Variants in TACR1 observed in about 807,000 individuals in gnomAD.
TACR1 encodes the protein substance-P receptor.
TACR1 carries 25 observed loss-of-function variants against 35.8 expected under a neutral mutation model. The ratio of observed to expected loss-of-function variants is 0.70; its 90% confidence interval spans 0.51 to 0.98. TACR1 has a LOEUF of 0.98. Among genes scored for constraint, TACR1 ranks in the 50% least tolerant of loss-of-function variants. The pLI, the probability that TACR1 is intolerant of heterozygous loss-of-function variation, is 0.00. For missense variants in TACR1, 478 were observed against 522.9 expected (o/e 0.91, Z 0.84); for synonymous variants, 195 against 206.7 (o/e 0.94, Z 0.48).
intron 1 of TACR1, among the ~76,000 whole-genome samples, chr2:75,125,188 C>CT (rs1202718187): frequency 5.2e-4 from 79 of 151,506 alleles, no homozygotes; most frequent in Admixed American, 1.2e-3. Flanking sequence ...TCTATTCTTT[C>CT]TTTTTTTTGT....
intron 1 of TACR1, among the ~76,000 whole-genome samples, chr2:75,178,134 C>T (rs567030483): frequency 6.6e-6 from 1 of 152,178 alleles, no homozygotes; most frequent in East Asian, 1.9e-4. Context: ...AAAACCTTTG[C>T]TCCTACATTC....
At chr2:75,088,561 T>C (rs1489650970) in intron 2 of TACR1, among the ~76,000 whole-genome samples, 1 of 152,186 alleles carries the variant, frequency 6.6e-6, no homozygotes, top group Non-Finnish European at 1.5e-5. Flanking sequence ...AAATATTCAC[T>C]GAATGAGTGT....
intron 1 of TACR1, among the ~76,000 whole-genome samples, chr2:75,166,078 G>C (rs1225348581): frequency 1.3e-5 from 2 of 152,172 alleles, no homozygotes; most frequent in African/African-American, 4.8e-5. Flanking sequence ...AGAGAGGAGT[G>C]AGACTCTAGG....
chr2:75,154,409 C>CTATT (rs1558572242), intron 1 of TACR1: 1 of 97,106 alleles, frequency 1.0e-5, no homozygotes, highest in Non-Finnish European at 2.4e-5. Flanking sequence ...AGAGCGCGCA[C>CTATT]GCACACACAC....
Position 75,199,055 on chromosome 2 carries a change from T to C in TACR1, c.-121A>G. 8.0e-7 allele frequency: 1 copy of C among 1,252,724 alleles called. No homozygotes were observed. Among genetic ancestry groups the C allele is most frequent in the Non-Finnish European group, 1.1e-6 (1 of 915,022 alleles). The allele number at this position is 1,252,724 out of a possible 1,614,324, so 77.6% of individuals were successfully genotyped here. A position where few individuals can be genotyped will look rare whatever the true frequency, so the allele number is the denominator to read the frequency against. ...GCCAGACAGGAGGGTGGAAGGCTTT[T>C]TCTGGGCAGCACTCTTTTTGAAAGC... On this transcript the variant is annotated 5_prime_UTR_variant, in exon 1 of 5. Transcript: ENST00000305249.
intron 1 of TACR1, among the ~76,000 whole-genome samples, chr2:75,131,621 C>A (rs1317004495): frequency 6.6e-6 from 1 of 152,130 alleles, no homozygotes. Flanking sequence ...ACATAATTTG[C>A]AACTATGTAC....
At chr2:75,134,925 C>T (rs1168920088) in intron 1 of TACR1, among the ~76,000 whole-genome samples, 1 of 152,160 alleles carries the variant, frequency 6.6e-6, no homozygotes, top group South Asian at 2.1e-4. Context: ...TCTCACAGGC[C>T]TCTGCTGGTG....
chr2:75,161,943 T>C (rs1374745148), intron 1 of TACR1, among the ~76,000 whole-genome samples: 3 of 149,158 alleles, frequency 2.0e-5, no homozygotes, highest in Non-Finnish European at 4.4e-5. Flanking sequence ...TCTAGGTCAG[T>C]GAATGTATCA....
At chr2:75,184,811 T>G (rs192511828) in intron 1 of TACR1, among the ~76,000 whole-genome samples, 1 of 151,702 alleles carries the variant, frequency 6.6e-6, no homozygotes, top group Non-Finnish European at 1.5e-5. Context: ...GTGTGGGATC[T>G]ATAGAAGAAA....
At chr2:75,106,564 A>G (rs903329072) in intron 2 of TACR1, among the ~76,000 whole-genome samples, 8 of 152,192 alleles carry the variant, frequency 5.3e-5, no homozygotes, top group African/African-American at 1.7e-4. Flanking sequence ...GGTTATTAAC[A>G]GAAAAACTGG....
At chr2:75,053,286 T>G (rs1672505561) in intron 3 of TACR1, among the ~76,000 whole-genome samples, 1 of 152,124 alleles carries the variant, frequency 6.6e-6, no homozygotes, top group Non-Finnish European at 1.5e-5. Flanking sequence ...CACGTGAATG[T>G]ATTATCTTGT....
rs146685643 is a variant in TACR1 at position 75,081,993 on chromosome 2, C to T, written c.585-28238G>A. Reference sequence around the variant, plus strand: ...CATGCAGGTTTGTTACATATGTATACATGTGCTATGTTGGTGTGCTGCACC... The same window carrying T: ...CATGCAGGTTTGTTACATATGTATATATGTGCTATGTTGGTGTGCTGCACC... On this transcript the variant is annotated intron_variant, in intron 2 of 4. Transcript: ENST00000305249. Among the ~76,000 whole-genome samples the T allele has an allele frequency of 6.9e-3, 1,041 of 151,164 alleles. 13 individuals carry two copies. Among genetic ancestry groups the T allele is most frequent in the African/African-American group, 0.024 (988 of 41,102 alleles).
At chr2:75,193,613 T>C (rs941714242) in intron 1 of TACR1, among the ~76,000 whole-genome samples, 1 of 152,216 alleles carries the variant, frequency 6.6e-6, no homozygotes, top group Non-Finnish European at 1.5e-5. Flanking sequence ...TTGACTTCCA[T>C]GCTTCTGTCA....
At chr2:75,097,356 C>A (rs760567228) in intron 2 of TACR1, among the ~76,000 whole-genome samples, 3 of 149,384 alleles carry the variant, frequency 2.0e-5, no homozygotes, top group East Asian at 4.0e-4. Context: ...TCTGGGTTTT[C>A]AGCAACACCA....
At chr2:75,145,330 C>G (rs750106290) in intron 1 of TACR1, among the ~76,000 whole-genome samples, 5 of 152,088 alleles carry the variant, frequency 3.3e-5, no homozygotes, top group Non-Finnish European at 7.4e-5. Flanking sequence ...GAGTCAGAAA[C>G]TATGGTAATG....
At chr2:75,179,451 T>A (rs1303728758) in intron 1 of TACR1, among the ~76,000 whole-genome samples, 1 of 152,140 alleles carries the variant, frequency 6.6e-6, no homozygotes, top group African/African-American at 2.4e-5. Flanking sequence ...CAAATGATCT[T>A]TTAAAACTGT....
At chr2:75,120,010 A>G (rs1402140673) in intron 2 of TACR1, among the ~76,000 whole-genome samples, 1 of 151,788 alleles carries the variant, frequency 6.6e-6, no homozygotes, top group African/African-American at 2.4e-5. Context: ...ACAGAGACAC[A>G]CTCCCCTGAG....
At chr2:75,051,643 G>C (rs899337010) in intron 3 of TACR1, among the ~76,000 whole-genome samples, 196 bp from the exon 4 acceptor site, 3 of 152,220 alleles carry the variant, frequency 2.0e-5, no homozygotes, top group African/African-American at 7.2e-5. Context: ...TGTTCTCAGA[G>C]TGTGGTCCCA....
At chr2:75,193,592 C>G (rs1050405421) in intron 1 of TACR1, among the ~76,000 whole-genome samples, 8 of 152,190 alleles carry the variant, frequency 5.3e-5, no homozygotes, top group African/African-American at 1.9e-4. Flanking sequence ...ACCTGAGGCA[C>G]TTTGCAACAT....
Sources: allele counts gnomAD v4.1 joint callset (sites outside exome capture counted in the v4.1 genomes callset), GRCh38; gene constraint gnomAD v4.1.1; transcripts MANE v1.5; gene names NCBI Gene and HGNC (gene_info 2026-07-23, HGNC 2026-07-21).